PRELID2: variants seen among roughly 807,000 people sequenced by gnomAD.
PRELID2 encodes PRELI domain-containing protein 2.
A neutral mutation model predicts 28.4 loss-of-function variants in PRELID2; 25 were observed. The ratio of observed to expected loss-of-function variants is 0.88; its 90% CI spans 0.64 to 1.23. PRELID2 has a LOEUF of 1.23. Among genes scored for constraint, PRELID2 ranks in the 50% most tolerant of loss-of-function variants. The probability of loss-of-function intolerance (pLI) is 0.00; values close to 1 mark genes in which losing one functional copy is unlikely to be tolerated. For missense variants in PRELID2, 201 were observed against 214.4 expected (o/e 0.94, Z 0.39); for synonymous variants, 76 against 71.6 (o/e 1.06, Z -0.31).
At chr5:145,358,709 T>C in the PRELID2 span, among the ~76,000 whole-genome samples, 1 of 152,086 alleles carries the variant, frequency 6.6e-6, no homozygotes, top group Non-Finnish European at 1.5e-5. Context: ...GGGAAAATGG[T>C]CCCTTCAATA....
chr5:145,477,727 G>A (rs1752116187), intron 1 of PRELID2, among the ~76,000 whole-genome samples: 1 of 152,180 alleles, frequency 6.6e-6, no homozygotes, highest in Non-Finnish European at 1.5e-5. Flanking sequence ...TGAACCAAGA[G>A]AAATTAGCTT....
At chr5:145,608,041 T>C in intron 1 of PRELID2, among the ~76,000 whole-genome samples, 1 of 97,328 alleles carries the variant, frequency 1.0e-5, no homozygotes, top group Non-Finnish European at 1.8e-5. Context: ...TTAAAGCCCG[T>C]TTTTTTTTTT....
rs1296423080 is a variant in PRELID2, at chr5:145,759,690, GGTCT to G, written c.*842_*845del. ...GTGCCAGCACTTGGATTCAAACCCA[GGTCT>G]GTCTGTTGACTTAAAACCCTGCACA... On this transcript the variant is annotated 3_prime_UTR_variant, in exon 7 of 7. Coordinates refer to ENST00000683046, the MANE Select transcript of PRELID2 (RefSeq NM_205846.3). 6.6e-6 allele frequency: 1 copy of G among 152,172 alleles called. No homozygotes were observed. The highest frequency in any genetic ancestry group is 2.4e-5 in the African/African-American group (1 of 41,442). 9.4% of individuals were successfully genotyped at this position (152,172 alleles called of 1,614,324 possible). A position where few individuals can be genotyped will look rare whatever the true frequency, so the allele number is the denominator to read the frequency against.
chr5:145,286,310 C>A, the PRELID2 span, among the ~76,000 whole-genome samples: 70 of 152,268 alleles, frequency 4.6e-4, no homozygotes, highest in Admixed American at 9.2e-4. Flanking sequence ...TACCACTATG[C>A]TTGTTATACT....
At chr5:145,588,875 T>C (rs558360853) in intron 1 of PRELID2, among the ~76,000 whole-genome samples, 2 of 138,276 alleles carry the variant, frequency 1.4e-5, no homozygotes, top group East Asian at 2.0e-4. Flanking sequence ...ATGCTTTTTA[T>C]TGGTAAAAAA....
At chr5:145,677,744 C>T (rs778279916) in intron 1 of PRELID2, among the ~76,000 whole-genome samples, 1 of 152,080 alleles carries the variant, frequency 6.6e-6, no homozygotes, top group Admixed American at 6.6e-5. Context: ...GAAGCACCAC[C>T]ATTCACCTCA....
the PRELID2 span, among the ~76,000 whole-genome samples, chr5:145,257,533 T>C: frequency 6.6e-6 from 1 of 152,046 alleles, no homozygotes; most frequent in African/African-American, 2.4e-5. Context: ...CAATAAAGAC[T>C]CAAATTATAA....
chr5:145,366,289 A>T, the PRELID2 span, among the ~76,000 whole-genome samples: 1 of 151,906 alleles, frequency 6.6e-6, no homozygotes, highest in Admixed American at 6.6e-5. Context: ...ATAGCTCCAT[A>T]TTCATGTTTC....
chr5:145,782,594 C>T (rs1654149), intron 5 of PRELID2, among the ~76,000 whole-genome samples: 112,723 of 152,200 alleles, frequency 0.74, 44,204 homozygotes, highest in East Asian at 0.91. Flanking sequence ...AATAAGCCAA[C>T]ATATTTATGT....
chr5:145,437,903 T>G, the PRELID2 span, among the ~76,000 whole-genome samples: 1 of 152,152 alleles, frequency 6.6e-6, no homozygotes, highest in Non-Finnish European at 1.5e-5. Flanking sequence ...TACCTATTTA[T>G]GAAAAACAGT....
At chr5:145,380,256 A>C in the PRELID2 span, among the ~76,000 whole-genome samples, 113 of 152,314 alleles carry the variant, frequency 7.4e-4, no homozygotes, top group African/African-American at 2.7e-3. Context: ...ATTGGGGGCC[A>C]GAAATAAGTC....
At chr5:145,665,679 C>T (rs1446953395) in intron 1 of PRELID2, among the ~76,000 whole-genome samples, 1 of 152,078 alleles carries the variant, frequency 6.6e-6, no homozygotes, top group African/African-American at 2.4e-5. Flanking sequence ...CACTCCCCAC[C>T]ATAACACTAT....
rs892826984 is a variant in PRELID2, at chr5:145,760,229, G to A, written c.*307C>T. On this transcript the variant is annotated 3_prime_UTR_variant, in exon 7 of 7. Transcript: ENST00000683046. ...CAGACAACCAGCAGAACACCCTGAG[G>A]AAGGGCACACATATCTTACATGGTT... is the stretch of plus-strand genomic sequence containing the variant. The A allele has an allele frequency of 6.6e-6, 1 of 152,118 alleles. No individual in the cohort carries two copies. The highest frequency in any genetic ancestry group is 2.4e-5 in the African/African-American group (1 of 41,410). The allele number at this position is 152,118 out of a possible 1,614,324, so 9.4% of individuals were successfully genotyped here. A position where few individuals can be genotyped will look rare whatever the true frequency, so the allele number is the denominator to read the frequency against.
chr5:145,423,423 C>T, the PRELID2 span, among the ~76,000 whole-genome samples: 1 of 152,274 alleles, frequency 6.6e-6, no homozygotes, highest in African/African-American at 2.4e-5. Context: ...TTCTTGGAGG[C>T]TTTGCTCATT....
At chr5:145,337,810 A>G in the PRELID2 span, 1 of 148,660 alleles carries the variant, frequency 6.7e-6, no homozygotes, top group East Asian at 2.0e-4. Flanking sequence ...TCAAGCACAG[A>G]AGTTTCTGTT....
intron 4 of PRELID2, among the ~76,000 whole-genome samples, chr5:145,803,255 T>G (rs1056069921): frequency 6.6e-6 from 1 of 152,192 alleles, no homozygotes; most frequent in Non-Finnish European, 1.5e-5. Context: ...TGCTCCAGGA[T>G]GGCAGACTAT....
At chr5:145,790,412 G>A (rs1481639823) in intron 5 of PRELID2, among the ~76,000 whole-genome samples, 3 of 151,980 alleles carry the variant, frequency 2.0e-5, no homozygotes, top group African/African-American at 7.2e-5. Flanking sequence ...TACCTCATAT[G>A]TAAAATCTAA....
chr5:145,372,348 G>A, the PRELID2 span, among the ~76,000 whole-genome samples: 28 of 152,190 alleles, frequency 1.8e-4, no homozygotes, highest in East Asian at 4.3e-3. Flanking sequence ...ATTTGCTGAG[G>A]AGTGTTTTAC....
At chr5:145,404,473 A>G in the PRELID2 span, among the ~76,000 whole-genome samples, 1 of 152,210 alleles carries the variant, frequency 6.6e-6, no homozygotes, top group Non-Finnish European at 1.5e-5. Flanking sequence ...TATGTTAGGC[A>G]GAGTGAACAC....
Sources: allele counts gnomAD v4.1 joint callset (sites outside exome capture counted in the v4.1 genomes callset), GRCh38; gene constraint gnomAD v4.1.1; transcripts MANE v1.5; gene names NCBI Gene and HGNC (gene_info 2026-07-23, HGNC 2026-07-21).